Variants in GPT observed in about 807,000 individuals in gnomAD.
GPT encodes alanine aminotransferase 1.
GPT carries 60 observed loss-of-function variants against 51.4 expected under a neutral mutation model. The ratio of observed to expected loss-of-function variants is 1.17; its 90% CI spans 0.95 to 1.45. The LOEUF (loss-of-function observed/expected upper bound fraction) is 1.45. GPT is among the 40% of genes most tolerant of loss of function. The pLI is 0.00. For missense variants in GPT, 853 were observed against 704.0 expected (o/e 1.21, Z -2.40); for synonymous variants, 397 against 303.1 (o/e 1.31, Z -3.22).
At position 144,506,651 on chromosome 8, in the gene GPT, G is replaced by A. The variant is rs1303879882; in HGVS notation, c.1282G>A (p.Ala428Thr). 44 of 1,556,668 alleles carry A rather than the reference G, an allele frequency of 2.8e-5. 1 individual carries two copies. The highest frequency in any genetic ancestry group is 3.5e-5 in the South Asian group (3 of 85,036). ...GCTGCCCCCGCGGGCGGTGGAGCGC[G>A]CTCAGGTCAGGCGGGGGCGGGGCCT... Reference protein sequence around the residue: ...VQLPPRAVERAQELGLAPDMF... With the variant: ...VQLPPRAVERTQELGLAPDMF... Residue 428 changes from alanine to threonine, a missense_variant, in exon 9 of 11, where the codon GCT (alanine) becomes ACT (threonine). Transcript: ENST00000394955. The surrounding 1 kb of genome is among the most constrained non-coding windows in gnomAD (Gnocchi z 7.0).
upstream of GPT, chr8:144,504,011 C>T (rs1047458530): frequency 7.8e-6 from 4 of 509,712 alleles, no homozygotes; most frequent in Non-Finnish European, 1.4e-5. Flanking sequence ...TAGGCAGGCA[C>T]TGGGCCTTGC....
Position 144,504,140 on chromosome 8 carries a change from A to C in GPT, c.-165A>C, listed in dbSNP as rs2130610428. 2 of 735,268 alleles carry C rather than the reference A, an allele frequency of 2.7e-6. No individual in the cohort carries two copies. Among genetic ancestry groups the C allele is most frequent in the East Asian group, 2.7e-5 (1 of 36,984 alleles). The allele number at this position is 735,268 out of a possible 1,614,324, so 45.5% of individuals were successfully genotyped here. ...TCCTTCAGCCCTTTCTGTCCCTCCC[A>C]GTGAGGCCAGCTGCGGTGAAGAGGG... On this transcript the variant is annotated 5_prime_UTR_variant, in exon 1 of 11. Coordinates refer to ENST00000394955, the MANE Select transcript of GPT (RefSeq NM_005309.3).
chr8:144,504,338 G>A lies in GPT; in HGVS notation c.34G>A (p.Val12Met). 1.2e-6 allele frequency: 2 copies of A among 1,610,744 alleles called. No individual in the cohort carries two copies. Among genetic ancestry groups the A allele is most frequent in the Non-Finnish European group, 1.7e-6 (2 of 1,179,910 alleles). Residue 12 changes from valine to methionine, a missense_variant, in exon 1 of 11, where the codon GTG becomes ATG. Transcript: ENST00000394955. ...GAGCACAGGTGACCGGAGCCAGGCG[G>A]TGAGGCATGGACTGAGGGCGAAGGT... ...ASSTGDRSQAVRHGLRAKVLT... is the reference protein window; with the variant it reads ...ASSTGDRSQAMRHGLRAKVLT...
upstream of GPT, chr8:144,504,024 CA>C: frequency 1.7e-5 from 9 of 530,162 alleles, no homozygotes; most frequent in South Asian, 1.8e-4. Flanking sequence ...GGCCTTGCCC[CA>C]AGCCCCGCCT....
rs370128580 is a variant in GPT at position 144,504,326 on chromosome 8, C to G, written c.22C>G (p.Arg8Gly). ...AGTCATGGCCTCGAGCACAGGTGAC[C>G]GGAGCCAGGCGGTGAGGCATGGACT... MASSTGD[R>G]SQAVRHGLRA... is the part of the protein sequence containing the mutation. The change falls in exon 1 of 11, where the codon CGG becomes GGG. Residue 8 changes from arginine to glycine, a missense_variant. By Grantham distance (125) the Arg-to-Gly change is moderately radical. Transcript: ENST00000394955. 14 of 1,609,876 alleles carry G rather than the reference C, an allele frequency of 8.7e-6. No homozygotes were observed. In the South Asian group the frequency reaches 1.3e-4, roughly 15 times the overall value.
Position 144,506,393 on chromosome 8 carries a change from C to T in GPT, c.1118C>T (p.Ala373Val), listed in dbSNP as rs777851951. 5.1e-6 allele frequency: 8 copies of T among 1,559,518 alleles called. No homozygotes were observed. The South Asian group carries it at 5.8e-5, about 11-fold the overall frequency. ...CCCGCGCCCACCGACCCCTCCTTTGCGCAGTTCCAGGCTGTGAGTTGGGGG... is the reference window on the plus strand; with the variant it reads ...CCCGCGCCCACCGACCCCTCCTTTGTGCAGTTCCAGGCTGTGAGTTGGGGG... ...SPPAPTDPSF[A>V]QFQAEKQAVL... The change falls in exon 8 of 11, where the codon GCG becomes GTG. Residue 373 changes from alanine to valine, a missense_variant. Ala to Val is a moderately conservative substitution (Grantham distance 64, BLOSUM62 0). Coordinates refer to ENST00000394955, the MANE Select transcript of GPT (RefSeq NM_005309.3). The surrounding 1 kb of genome is among the most constrained non-coding windows in gnomAD (Gnocchi z 7.0).
chr8:144,504,866 G>C lies in GPT; in HGVS notation c.348G>C (p.Gly116=). 6.2e-7 allele frequency: 1 copy of C among 1,613,276 alleles called. No individual in the cohort carries two copies. Among genetic ancestry groups the C allele is most frequent in the Non-Finnish European group, 8.5e-7 (1 of 1,180,000 alleles). The change falls in exon 3 of 11, where the codon GGG becomes GGC. Residue 116 remains glycine (G), a synonymous_variant. Transcript: ENST00000394955. ...CGGAGCGCATCTTGCAGGCGTGTGG[G>C]GGCCACAGTCTGGGTGAGAGCCAGG... ...KRAERILQAC[G]GHSLGAYSVS... is the part of the protein sequence containing the mutation.
Position 144,504,985 on chromosome 8 carries a change from T to C in GPT, c.362-13T>C. ...TTCACCTGTACTTCCCATCCTGTCC[T>C]GCCCGAGTCCAGGGGCCTACAGCGT... On this transcript the variant is annotated splice_polypyrimidine_tract_variant and intron_variant, in intron 3 of 10. Transcript: ENST00000394955. 1 of 1,613,036 alleles carries C rather than the reference T, an allele frequency of 6.2e-7. No individual in the cohort carries two copies. The highest frequency in any genetic ancestry group is 8.5e-7 in the Non-Finnish European group (1 of 1,179,984).
Position 144,506,786 on chromosome 8 carries a change from G to A in GPT, c.1343G>A (p.Gly448Asp). 1 of 1,612,592 alleles carries A rather than the reference G, an allele frequency of 6.2e-7. No individual in the cohort carries two copies. Among genetic ancestry groups the A allele is most frequent in the South Asian group, 1.1e-5 (1 of 91,084 alleles). The change falls in exon 10 of 11, where the codon GGC (glycine) becomes GAC (aspartate). Residue 448 changes from glycine (G) to aspartate (D), a missense_variant. Coordinates refer to ENST00000394955, the MANE Select transcript of GPT (RefSeq NM_005309.3). The surrounding 1 kb of genome is among the most constrained non-coding windows in gnomAD (Gnocchi z 7.0). ...FFCLRLLEET[G>D]ICVVPGSGFG... ...TGCCTGCGCCTCCTGGAGGAGACCG[G>A]CATCTGCGTGGTGCCAGGGAGCGGC...
rs1381057846 is a variant in GPT at position 144,506,003 on chromosome 8, G to A, written c.828G>A (p.Gln276=). The A allele has an allele frequency of 5.6e-6, 9 of 1,612,290 alleles. No homozygotes were observed. Among genetic ancestry groups the A allele is most frequent in the African/African-American group, 2.7e-5 (2 of 74,916 alleles). ...RLFLLADEVY[Q]DNVYAAGSQF... The stretch of plus-strand genomic sequence containing the variant: ...GCCTTGCGCCCTTCCAGGTGTACCA[G>A]GACAACGTGTACGCCGCGGGTTCGC... The change falls in exon 7 of 11, where the codon CAG becomes CAA. Residue 276 remains glutamine, a synonymous_variant. Coordinates refer to ENST00000394955, the MANE Select transcript of GPT (RefSeq NM_005309.3). The surrounding 1 kb of genome is among the most constrained non-coding windows in gnomAD (Gnocchi z 7.0).
chr8:144,504,931 G>A (rs911569397), intron 3 of GPT, 52 bp downstream of exon 3: 37 of 1,612,896 alleles, frequency 2.3e-5, no homozygotes, highest in Non-Finnish European at 3.0e-5. Flanking sequence ...ACTGGAGGAG[G>A]GAAGTCCCTT....
chr8:144,504,399 G>C lies in GPT; in HGVS notation c.95G>C (p.Arg32Thr). 1 of 1,611,792 alleles carries C rather than the reference G, an allele frequency of 6.2e-7. No individual in the cohort carries two copies. Among genetic ancestry groups the C allele is most frequent in the Non-Finnish European group, 8.5e-7 (1 of 1,179,950 alleles). ...TLDGMNPRVR[R>T]VEYAVRGPIV... The stretch of plus-strand genomic sequence containing the variant: ...GACGGCATGAACCCGCGTGTGCGGA[G>C]AGTGGAGTACGCAGTGCGTGGCCCC... The change falls in exon 1 of 11, where the codon AGA (arginine) becomes ACA (threonine). Residue 32 changes from arginine (R) to threonine (T), a missense_variant. Physicochemically the swap from Arg to Thr is moderately conservative, Grantham distance 71. Transcript: ENST00000394955.
rs200263358 is a variant in GPT, at chr8:144,506,872, G to A, written c.1400+29G>A. The A allele has an allele frequency of 6.5e-4, 1,041 of 1,611,608 alleles. 4 individuals are homozygous for A. In the African/African-American group the frequency reaches 9.4e-3, roughly 15 times the overall value. ...AGGCCTGGCCCTCACTCCCTGTCCCGCCACCCTGGCCCTTCACTCACTGTC... is the reference window on the plus strand; with the variant it reads ...AGGCCTGGCCCTCACTCCCTGTCCCACCACCCTGGCCCTTCACTCACTGTC... On this transcript the variant is annotated intron_variant, in intron 10 of 10. Transcript: ENST00000394955. The surrounding 1 kb of genome is among the most constrained non-coding windows in gnomAD (Gnocchi z 7.0).
rs554139775 is a variant in GPT at position 144,506,769 on chromosome 8, C to A, written c.1326C>A (p.Arg442=). Reference sequence around the variant, plus strand: ...CCCCCGATATGTTCTTCTGCCTGCGCCTCCTGGAGGAGACCGGCATCTGCG... The same window carrying A: ...CCCCCGATATGTTCTTCTGCCTGCGACTCCTGGAGGAGACCGGCATCTGCG... ...GLAPDMFFCL[R]LLEETGICVV... Residue 442 remains arginine (R), a synonymous_variant, in exon 10 of 11, where the codon CGC becomes CGA. Coordinates refer to ENST00000394955, the MANE Select transcript of GPT (RefSeq NM_005309.3). This position sits in a 1 kb window ranked among gnomAD's most constrained non-coding sequence, Gnocchi z 7.0. 94 of 1,612,470 alleles carry A rather than the reference C, an allele frequency of 5.8e-5. No individual in the cohort carries two copies. The South Asian group carries it at 9.3e-4, about 16-fold the overall frequency.
At chr8:144,503,670 C>CCT, upstream of GPT, 5 of 157,116 alleles carry the variant, frequency 3.2e-5, no homozygotes, top group South Asian at 2.0e-4. Flanking sequence ...CCTCCCCTCC[C>CCT]CCCAGCACCC....
At chr8:144,503,444 AG>A (rs939320917), upstream of GPT, among the ~76,000 whole-genome samples, 1 of 152,060 alleles carries the variant, frequency 6.6e-6, no homozygotes, top group Non-Finnish European at 1.5e-5. Context: ...GTGTGTCCCA[AG>A]GGCAACCCCC....
rs1318750569 is a variant in GPT at position 144,504,281 on chromosome 8, T to A, written c.-24T>A. On this transcript the variant is annotated 5_prime_UTR_variant, in exon 1 of 11. Transcript: ENST00000394955. The stretch of plus-strand genomic sequence containing the variant: ...TGGTCCTGCCACCTCCTGAGCTGCC[T>A]TCCCGCCTGGTCTGGGTAGAGTCAT... 23 of 1,604,034 alleles carry A rather than the reference T, an allele frequency of 1.4e-5. No individual in the cohort carries two copies. The highest frequency in any genetic ancestry group is 1.7e-5 in the Non-Finnish European group (20 of 1,179,414).
chr8:144,505,077 C>T lies in GPT; in HGVS notation c.441C>T (p.Ile147=), dbSNP rs1586772970. 1.9e-6 allele frequency: 3 copies of T among 1,613,156 alleles called. No individual in the cohort carries two copies. The highest frequency in any genetic ancestry group is 2.2e-5 in the East Asian group (1 of 44,892). ...ARYIERRDGG[I]PADPNNVFLS... ...ACATTGAGAGGCGTGACGGAGGCAT[C>T]CCTGCGGACCCCAACAACGTCTTCC... The change falls in exon 4 of 11, where the codon ATC becomes ATT. Residue 147 remains isoleucine (I), a synonymous_variant. Coordinates refer to ENST00000394955, the MANE Select transcript of GPT (RefSeq NM_005309.3).
Position 144,506,020 on chromosome 8 carries a change from C to T in GPT, c.845C>T (p.Ala282Val). The change falls in exon 7 of 11, where the codon GCG becomes GTG. Residue 282 changes from alanine (A) to valine (V), a missense_variant. Physicochemically the swap from Ala to Val is moderately conservative, Grantham distance 64. Transcript: ENST00000394955. The surrounding 1 kb of genome is among the most constrained non-coding windows in gnomAD (Gnocchi z 7.0). ...DEVYQDNVYA[A>V]GSQFHSFKKV... Reference sequence around the variant, plus strand: ...GTGTACCAGGACAACGTGTACGCCGCGGGTTCGCAGTTCCACTCATTCAAG... The same window carrying T: ...GTGTACCAGGACAACGTGTACGCCGTGGGTTCGCAGTTCCACTCATTCAAG... The T allele has an allele frequency of 1.9e-6, 3 of 1,612,422 alleles. No individual in the cohort carries two copies. The highest frequency in any genetic ancestry group is 1.1e-5 in the South Asian group (1 of 91,088).
Sources: allele counts gnomAD v4.1 joint callset (sites outside exome capture counted in the v4.1 genomes callset), GRCh38; gene constraint gnomAD v4.1.1; non-coding constraint Gnocchi (gnomAD v3.1); transcripts MANE v1.5; gene names NCBI Gene and HGNC (gene_info 2026-07-23, HGNC 2026-07-21).